Variants in ERLIN2 observed in about 807,000 individuals in gnomAD.
ERLIN2 encodes erlin-2.
A neutral mutation model predicts 41.5 loss-of-function variants in ERLIN2; 22 were observed. The observed-to-expected ratio is 0.53, with a 90% confidence interval of 0.38 to 0.76. The LOEUF (loss-of-function observed/expected upper bound fraction) is 0.76. Among genes scored for constraint, ERLIN2 ranks in the 30% least tolerant of loss-of-function variants. The pLI is 0.00. For missense variants in ERLIN2, 247 were observed against 414.3 expected (o/e 0.60, Z 3.51); for synonymous variants, 149 against 150.9 (o/e 0.99, Z 0.09).
rs1802965130 is a variant in ERLIN2 at position 37,744,429 on chromosome 8, A to G, written c.298+13A>G. 1.2e-6 allele frequency: 2 copies of G among 1,613,420 alleles called. No homozygotes were observed. The highest frequency in any genetic ancestry group is 2.7e-5 in the African/African-American group (2 of 74,882). On this transcript the variant is annotated intron_variant, in intron 5 of 11. Coordinates refer to ENST00000519638, the MANE Select transcript of ERLIN2 (RefSeq NM_007175.8). Reference sequence around the variant, plus strand: ...GTCCCGAACGCAGGTACGTCTTAACAGTTTATTCCCACCACCAGCTCACTT... The same window carrying G: ...GTCCCGAACGCAGGTACGTCTTAACGGTTTATTCCCACCACCAGCTCACTT...
At position 37,754,125 on chromosome 8, in the gene ERLIN2, G is replaced by A; in HGVS notation, c.*10G>A. The A allele has an allele frequency of 1.3e-6, 2 of 1,582,032 alleles. No homozygotes were observed. The highest frequency in any genetic ancestry group is 1.7e-6 in the Non-Finnish European group (2 of 1,151,072). On this transcript the variant is annotated 3_prime_UTR_variant, in exon 12 of 12. Transcript: ENST00000519638. Reference sequence around the variant, plus strand: ...CACTAAGGAGAATTGAAAAAAACTTGATATGACTGCAAATGATACTTAAGC... The same window carrying A: ...CACTAAGGAGAATTGAAAAAAACTTAATATGACTGCAAATGATACTTAAGC...
chr8:37,750,787 G>A (rs192439870), intron 9 of ERLIN2, among the ~76,000 whole-genome samples: 175 of 152,036 alleles, frequency 1.2e-3, no homozygotes, highest in African/African-American at 3.9e-3. Flanking sequence ...GCAGTGGCAC[G>A]ATCTCAGCTT....
rs1803372766 is a variant in ERLIN2, at chr8:37,756,979, A to C, written c.*2864A>C. The C allele has an allele frequency of 1.3e-5, 2 of 152,270 alleles. No homozygotes were observed. Among genetic ancestry groups the C allele is most frequent in the African/African-American group, 4.8e-5 (2 of 41,456 alleles). The allele number at this position is 152,270 out of a possible 1,614,324, so 9.4% of individuals were successfully genotyped here. On this transcript the variant is annotated 3_prime_UTR_variant, in exon 12 of 12. Transcript: ENST00000519638. The stretch of plus-strand genomic sequence containing the variant: ...AAAATATAAGGACCGAATGCAAGGA[A>C]ACCAAAGTTTATTAATAATTTTTAT...
chr8:37,745,805 G>A, intron 6 of ERLIN2: 1 of 1,369,370 alleles, frequency 7.3e-7, no homozygotes, highest in South Asian at 1.9e-5. Flanking sequence ...TGGATTCACT[G>A]TGCTTTTAAG....
intron 10 of ERLIN2, among the ~76,000 whole-genome samples, chr8:37,752,674 A>G (rs1448865073): frequency 6.6e-6 from 1 of 152,144 alleles, no homozygotes; most frequent in Non-Finnish European, 1.5e-5. Context: ...TACATATATT[A>G]CTCACATGAG....
At chr8:37,745,226 A>G (rs879233846) in intron 6 of ERLIN2, 12 of 446,938 alleles carry the variant, frequency 2.7e-5, no homozygotes, top group Middle Eastern at 5.9e-4. Context: ...TGAAAAAGAC[A>G]TGATTCATAG....
intron 2 of ERLIN2, among the ~76,000 whole-genome samples, chr8:37,739,507 G>A (rs557871705): frequency 7.9e-5 from 12 of 151,504 alleles, no homozygotes; most frequent in Non-Finnish European, 1.5e-4. Context: ...AGACAGTCTC[G>A]CTGTGTTGCC....
At chr8:37,752,070 TC>T (rs1348556422) in intron 10 of ERLIN2, among the ~76,000 whole-genome samples, 2 of 152,148 alleles carry the variant, frequency 1.3e-5, no homozygotes, top group African/African-American at 2.4e-5. Context: ...CAGTTGGCTC[TC>T]CCCCTTGCCT....
Position 37,741,659 on chromosome 8 carries a change from A to T in ERLIN2, c.190-113A>T. 1.2e-6 allele frequency: 1 copy of T among 833,548 alleles called. No individual in the cohort carries two copies. The highest frequency in any genetic ancestry group is 2.1e-6 in the Non-Finnish European group (1 of 478,342). The allele number at this position is 833,548 out of a possible 1,614,324, so 51.6% of individuals were successfully genotyped here. A position where few individuals can be genotyped will look rare whatever the true frequency, so the allele number is the denominator to read the frequency against. On this transcript the variant is annotated intron_variant, in intron 3 of 11. Transcript: ENST00000519638. This position sits in a 1 kb window ranked among gnomAD's most constrained non-coding sequence, Gnocchi z 4.8. ...TAGGTGGGGTAATCATGTTTAATGA[A>T]GGCCATGCTCAACCCAAACAGTTAT...
At chr8:37,745,625 T>C (rs558404336) in intron 6 of ERLIN2, 2 of 1,614,078 alleles carry the variant, frequency 1.2e-6, no homozygotes, top group South Asian at 1.1e-5. Flanking sequence ...AGCAAGAACA[T>C]TTTTCATAGC....
chr8:37,750,425 C>T lies in ERLIN2; in HGVS notation c.588C>T (p.Ala196=), dbSNP rs867101567. ...MESEKTKLLI[A]AQKQKVVEKE... is the part of the protein sequence containing the mutation. ...GTGAGAAGACAAAGCTTCTCATTGC[C>T]GCCCAGAAACAGAAGGTGGTGGAAA... Residue 196 remains alanine (A), a synonymous_variant, in exon 9 of 12, where the codon GCC becomes GCT. Coordinates refer to ENST00000519638, the MANE Select transcript of ERLIN2 (RefSeq NM_007175.8). 43 of 1,613,576 alleles carry T rather than the reference C, an allele frequency of 2.7e-5. 1 individual carries two copies. The Middle Eastern group carries it at 3.5e-3, about 132-fold the overall frequency.
rs1311010843 is a variant in ERLIN2, at chr8:37,753,898, T to G, written c.820-17T>G. On this transcript the variant is annotated splice_polypyrimidine_tract_variant and intron_variant, in intron 11 of 11. Coordinates refer to ENST00000519638, the MANE Select transcript of ERLIN2 (RefSeq NM_007175.8). ...TGGTTCAACATAAGTCTTCCATACTTTTTTTTTTTTTAACAGCTGAAGCTA... is the reference window on the plus strand; with the variant it reads ...TGGTTCAACATAAGTCTTCCATACTGTTTTTTTTTTTAACAGCTGAAGCTA... The G allele has an allele frequency of 2.1e-6, 3 of 1,451,920 alleles. No homozygotes were observed. The East Asian group carries it at 7.4e-5, about 36-fold the overall frequency. 89.9% of individuals were successfully genotyped at this position (1,451,920 alleles called of 1,614,324 possible).
In ERLIN2 at chr8:37,741,768, C is replaced by T. The variant is rs544379692; in HGVS notation, c.190-4C>T. 1 of 1,612,492 alleles carries T rather than the reference C, an allele frequency of 6.2e-7. No homozygotes were observed. Among genetic ancestry groups the T allele is most frequent in the South Asian group, 1.1e-5 (1 of 91,044 alleles). ...CTAGCACTTTATGTTTCCTCTGTTTCCAGACCACACTCCAGACAGATGAGG... is the reference window on the plus strand; with the variant it reads ...CTAGCACTTTATGTTTCCTCTGTTTTCAGACCACACTCCAGACAGATGAGG... On this transcript the variant is annotated splice_region_variant and splice_polypyrimidine_tract_variant and intron_variant, in intron 3 of 11. Transcript: ENST00000519638. This position sits in a 1 kb window ranked among gnomAD's most constrained non-coding sequence, Gnocchi z 4.8.
Position 37,757,254 on chromosome 8 carries a change from G to A in ERLIN2, c.*3139G>A, listed in dbSNP as rs2129742651. 6.6e-6 allele frequency: 1 copy of A among 152,170 alleles called. No homozygotes were observed. The highest frequency in any genetic ancestry group is 1.9e-4 in the East Asian group (1 of 5,186). The allele number at this position is 152,170 out of a possible 1,614,324, so 9.4% of individuals were successfully genotyped here. A position where few individuals can be genotyped will look rare whatever the true frequency, so the allele number is the denominator to read the frequency against. On this transcript the variant is annotated 3_prime_UTR_variant, in exon 12 of 12. Transcript: ENST00000519638. ...TTTGATGGAGATAAACTATATCTTG[G>A]CTAGTGGCTACTGTGTCTGTGAATG...
intron 6 of ERLIN2, chr8:37,746,484 AAAT>A (rs1803054902): frequency 2.0e-6 from 2 of 981,452 alleles, no homozygotes; most frequent in Admixed American, 6.1e-5. Flanking sequence ...GTGTGACATA[AAAT>A]AATACCTATG....
In ERLIN2 at chr8:37,737,789, C is replaced by T. The variant is rs1802704593; in HGVS notation, c.-15-119C>T. 2.5e-6 allele frequency: 3 copies of T among 1,177,048 alleles called. No homozygotes were observed. The East Asian group carries it at 7.3e-5, about 29-fold the overall frequency. The allele number at this position is 1,177,048 out of a possible 1,614,324, so 72.9% of individuals were successfully genotyped here. ...TTGTAGATCTAGCCTTGTGTTCACA[C>T]GACACCAGGCTGGATATGAGTCACT... On this transcript the variant is annotated intron_variant, in intron 1 of 11. Transcript: ENST00000519638.
intron 6 of ERLIN2, chr8:37,747,870 T>C: frequency 6.2e-7 from 1 of 1,613,848 alleles, no homozygotes; most frequent in Non-Finnish European, 8.5e-7. Context: ...GCAATTTCTC[T>C]AACTGACAGT....
Position 37,754,104 on chromosome 8 carries a change from A to G in ERLIN2, c.1009A>G (p.Lys337Glu), listed in dbSNP as rs768607592. ...LEDEPLETAT[K>E]EN The stretch of plus-strand genomic sequence containing the variant: ...AGATGAACCCTTGGAGACGGCCACT[A>G]AGGAGAATTGAAAAAAACTTGATAT... The change falls in exon 12 of 12, where the codon AAG (lysine) becomes GAG (glutamate). Residue 337 changes from lysine to glutamate, a missense_variant. By Grantham distance (56) the Lys-to-Glu change is moderately conservative. Coordinates refer to ENST00000519638, the MANE Select transcript of ERLIN2 (RefSeq NM_007175.8). 33 of 1,613,406 alleles carry G rather than the reference A, an allele frequency of 2.0e-5. No individual in the cohort carries two copies. In the East Asian group the frequency reaches 7.3e-4, roughly 36 times the overall value.
At chr8:37,753,357 G>A (rs1803271256) in intron 10 of ERLIN2, 93 bp from the exon 11 acceptor site, 1 of 1,045,372 alleles carries the variant, frequency 9.6e-7, no homozygotes, top group Non-Finnish European at 1.5e-6. Flanking sequence ...AAGTTCCAGG[G>A]ACCAGAACAG....
Sources: gnomAD v4.1 joint callset for allele counts (sites outside exome capture counted in the v4.1 genomes callset) on GRCh38, gnomAD v4.1.1 for gene constraint, Gnocchi (gnomAD v3.1) non-coding constraint, MANE v1.5 for transcripts, NCBI Gene and HGNC (gene_info 2026-07-23, HGNC 2026-07-21) for gene names.